The following ITSN2 variants were observed in gnomAD, a reference collection of about 807,000 sequenced individuals.
The protein encoded by ITSN2 is intersectin-2.
In ITSN2, 156 loss-of-function variants were observed where a neutral mutation model predicts 243.7. The ratio of observed to expected loss-of-function variants is 0.64; its 90% CI spans 0.56 to 0.73. The LOEUF (loss-of-function observed/expected upper bound fraction) is 0.73, where lower values mean the gene tolerates loss of function less well. Among genes scored for constraint, ITSN2 ranks in the 30% least tolerant of loss-of-function variants. The probability of loss-of-function intolerance (pLI) is 0.00; values close to 1 mark genes in which losing one functional copy is unlikely to be tolerated. For synonymous variants in ITSN2, 703 were observed against 699.9 expected (o/e 1.00, Z -0.07); for missense variants, 1,801 against 1,996.1 (o/e 0.90, Z 1.86).
chr2:24,279,132 G>C (rs1039759224), intron 17 of ITSN2, among the ~76,000 whole-genome samples: 2 of 152,066 alleles, frequency 1.3e-5, no homozygotes, highest in Non-Finnish European at 2.9e-5. Context: ...TGTTTATATA[G>C]TAAATTACAT....
At chr2:24,323,064 G>A (rs1684768839) in intron 2 of ITSN2, among the ~76,000 whole-genome samples, 1 of 151,914 alleles carries the variant, frequency 6.6e-6, no homozygotes, top group South Asian at 2.1e-4. Flanking sequence ...AAACAACACG[G>A]AGTGCTGATA....
At chr2:24,258,261 C>CT (rs1315034955) in intron 22 of ITSN2, among the ~76,000 whole-genome samples, 168 bp from the exon 23 acceptor site, 1 of 152,194 alleles carries the variant, frequency 6.6e-6, no homozygotes, top group African/African-American at 2.4e-5. Context: ...TGATAGACAA[C>CT]TATGTGACTA....
In ITSN2 at chr2:24,266,865, T is replaced by C. The variant is rs550451452; in HGVS notation, c.2355+3806A>G. The stretch of plus-strand genomic sequence containing the variant: ...GGTGGGAGGATGGCGTGAGCTCGGG[T>C]GGTCGAGGCTGTAGTGAGCCATGAT... On this transcript the variant is annotated intron_variant, in intron 20 of 39. Transcript: ENST00000355123. 4.0e-5 allele frequency among the ~76,000 whole-genome samples: 6 copies of C among 150,150 alleles called. No homozygotes were observed. In the South Asian group the frequency reaches 1.3e-3, roughly 32 times the overall value.
chr2:24,339,069 T>C (rs768318425), intron 1 of ITSN2, among the ~76,000 whole-genome samples: 16 of 152,122 alleles, frequency 1.1e-4, no homozygotes, highest in Non-Finnish European at 1.5e-4. Flanking sequence ...TTTCTGAGCC[T>C]GAGAGAAGGA....
chr2:24,285,740 G>A (rs1182067587), intron 16 of ITSN2, among the ~76,000 whole-genome samples: 2 of 152,166 alleles, frequency 1.3e-5, no homozygotes, highest in African/African-American at 4.8e-5. Flanking sequence ...AGTTTATAGT[G>A]CCAGATTCTG....
intron 23 of ITSN2, among the ~76,000 whole-genome samples, chr2:24,254,723 C>T (rs753489037): frequency 6.6e-6 from 1 of 151,910 alleles, no homozygotes; most frequent in Non-Finnish European, 1.5e-5. Context: ...TTAAAAGACA[C>T]CCACAAATTG....
Position 24,298,799 on chromosome 2 carries a change from G to A in ITSN2, c.1360C>T (p.Leu454Phe). ...CATTCTAAGCGACGTTGTCGTTCAA[G>A]TTCCTGTTTTGCTGCCTGAAAAAAA... is the stretch of plus-strand genomic sequence containing the variant. ...IERREAAKQE[L>F]ERQRRLEWER... The change falls in exon 13 of 40, where the codon CTT (leucine) becomes TTT (phenylalanine). Residue 454 changes from leucine (L) to phenylalanine (F), a missense_variant. Around this residue, in one of 5 missense-constraint regions of ITSN2, gnomAD observed 787 missense variants for 803.9 expected, o/e 0.98. Transcript: ENST00000355123. The A allele has an allele frequency of 6.3e-7, 1 of 1,589,440 alleles. No homozygotes were observed. Among genetic ancestry groups the A allele is most frequent in the Non-Finnish European group, 8.5e-7 (1 of 1,173,166 alleles).
At chr2:24,319,007 T>C (rs1484137844) in intron 2 of ITSN2, among the ~76,000 whole-genome samples, 2 of 152,168 alleles carry the variant, frequency 1.3e-5, no homozygotes, top group Non-Finnish European at 2.9e-5. Flanking sequence ...CTTATGAGAA[T>C]CTAATGCCTG....
intron 8 of ITSN2, among the ~76,000 whole-genome samples, chr2:24,307,541 A>G (rs914889287): frequency 3.9e-5 from 6 of 152,250 alleles, no homozygotes; most frequent in African/African-American, 1.4e-4. Flanking sequence ...AATGCCTTGA[A>G]TCTATCCGTG....
chr2:24,269,292 T>G (rs563804553), intron 20 of ITSN2, among the ~76,000 whole-genome samples: 3 of 152,318 alleles, frequency 2.0e-5, no homozygotes, highest in African/African-American at 7.2e-5. Context: ...CTCTAGGTAC[T>G]CTGGAGATCC....
At position 24,276,008 on chromosome 2, in the gene ITSN2, A is replaced by C. The variant is rs574460210; in HGVS notation, c.1945-159T>G. Among the ~76,000 whole-genome samples, 6 of 152,360 alleles carry C rather than the reference A, an allele frequency of 3.9e-5. No individual in the cohort carries two copies. In the East Asian group the frequency reaches 1.2e-3, roughly 29 times the overall value. ...AAAAAATATCTAGATGATAAAAAAA[A>C]CCTTAAGTATTTAAACCATATAGCT... On this transcript the variant is annotated intron_variant, in intron 17 of 39. Coordinates refer to ENST00000355123, the MANE Select transcript of ITSN2 (RefSeq NM_006277.3).
intron 1 of ITSN2, among the ~76,000 whole-genome samples, chr2:24,341,190 T>G (rs934513475): frequency 6.6e-6 from 1 of 152,114 alleles, no homozygotes; most frequent in Non-Finnish European, 1.5e-5. Flanking sequence ...GATATTAGAT[T>G]TGAGGGATGA....
chr2:24,292,837 T>G (rs185058702), intron 15 of ITSN2, among the ~76,000 whole-genome samples: 1 of 152,234 alleles, frequency 6.6e-6, no homozygotes. Flanking sequence ...TCATTTGTCT[T>G]GCTCCTTTGC....
At chr2:24,290,884 A>G (rs781618543) in intron 15 of ITSN2, among the ~76,000 whole-genome samples, 3 of 151,780 alleles carry the variant, frequency 2.0e-5, no homozygotes, top group Non-Finnish European at 2.9e-5. Flanking sequence ...TTATGTTTCG[A>G]TATCTGATAG....
intron 4 of ITSN2, among the ~76,000 whole-genome samples, chr2:24,312,841 A>T (rs1241175135): frequency 6.6e-6 from 1 of 152,162 alleles, no homozygotes; most frequent in Non-Finnish European, 1.5e-5. Context: ...TTAAAGAAGG[A>T]GCAGGGGAAG....
At chr2:24,212,348 T>C (rs891059735) in intron 33 of ITSN2, among the ~76,000 whole-genome samples, 18 of 152,282 alleles carry the variant, frequency 1.2e-4, no homozygotes, top group African/African-American at 4.1e-4. Flanking sequence ...GAGGGGCCTT[T>C]CCCTGCCTGG....
chr2:24,234,319 A>G (rs1366396884), intron 29 of ITSN2, among the ~76,000 whole-genome samples: 1 of 152,084 alleles, frequency 6.6e-6, no homozygotes, highest in African/African-American at 2.4e-5. Context: ...AAATATAGAC[A>G]CAGGTCTCTA....
intron 1 of ITSN2, among the ~76,000 whole-genome samples, chr2:24,347,883 G>A (rs886825971): frequency 1.3e-5 from 2 of 152,074 alleles, no homozygotes; most frequent in African/African-American, 4.8e-5. Flanking sequence ...GACCAGCCTA[G>A]GAACATAGTG....
chr2:24,357,662 T>C (rs1460305481), intron 1 of ITSN2, among the ~76,000 whole-genome samples: 1 of 151,892 alleles, frequency 6.6e-6, no homozygotes. Flanking sequence ...TTTCACAAAT[T>C]TTTTCCATAA....
Sources: allele counts gnomAD v4.1 joint callset (sites outside exome capture counted in the v4.1 genomes callset), GRCh38; gene constraint gnomAD v4.1.1; regional missense constraint gnomAD v4.1.1; transcripts MANE v1.5; gene names NCBI Gene and HGNC (gene_info 2026-07-23, HGNC 2026-07-21).